Variants in RC3H1 observed in about 807,000 individuals in gnomAD.
The protein encoded by RC3H1 is ring finger and CCCH-type domains 1.
A neutral mutation model predicts 138.2 loss-of-function variants in RC3H1; 50 were observed. The observed-to-expected ratio is 0.36, with a 90% CI of 0.29 to 0.46. The LOEUF is 0.46. RC3H1 is among the 20% of genes least tolerant of loss of function. RC3H1 has a pLI of 1.00. For synonymous variants in RC3H1, 462 were observed against 489.1 expected, an observed-to-expected ratio of 0.94 and a Z score of 0.73; for missense variants, 1,031 against 1,388.1, an observed-to-expected ratio of 0.74 and a Z score of 4.09.
intron 18 of RC3H1, among the ~76,000 whole-genome samples, chr1:173,942,428 CAAAAAAAAAAAAAAA>C (rs60694243): frequency 2.6e-5 from 1 of 38,086 alleles, no homozygotes; most frequent in Non-Finnish European, 4.7e-5. Flanking sequence ...GACTCAGTCT[CAAAAAAAAAAAAAAA>C]AAAAAAAGAA....
chr1:173,972,573 G>C lies in RC3H1; in HGVS notation c.1157C>G (p.Thr386Arg). 1 of 1,614,010 alleles carries C rather than the reference G, an allele frequency of 6.2e-7. No individual in the cohort carries two copies. The highest frequency in any genetic ancestry group is 1.1e-5 in the South Asian group (1 of 91,072). ...ATAATCAACCAGCCCATGTACCACT[G>C]TACGCACAGCAACCAGCCCATTTTC... ...QLENGLVAVR[T>R]VVHGLVDYIQ... Residue 386 changes from threonine to arginine, a missense_variant, in exon 8 of 20, where the codon ACA becomes AGA. Coordinates refer to ENST00000367696, the MANE Select transcript of RC3H1 (RefSeq NM_172071.4).
chr1:173,995,109 G>C (rs1156344344), intron 1 of RC3H1, among the ~76,000 whole-genome samples: 1 of 152,192 alleles, frequency 6.6e-6, no homozygotes, highest in African/African-American at 2.4e-5. Flanking sequence ...GTACAGGTAA[G>C]TGATATTTAT....
intron 1 of RC3H1, among the ~76,000 whole-genome samples, chr1:174,008,705 G>A (rs1055009875): frequency 6.6e-6 from 1 of 152,104 alleles, no homozygotes; most frequent in Non-Finnish European, 1.5e-5. Flanking sequence ...GGCCAGGTGT[G>A]GTGACTCACA....
At chr1:173,986,950 G>A (rs1255318621) in intron 2 of RC3H1, among the ~76,000 whole-genome samples, 3 of 152,072 alleles carry the variant, frequency 2.0e-5, no homozygotes, top group African/African-American at 7.2e-5. Flanking sequence ...GAGGAGCACT[G>A]GTCTGGTATG....
At position 173,949,046 on chromosome 1, in the gene RC3H1, C is replaced by A. The variant is rs1268567236; in HGVS notation, c.2524-1464G>T. ...CGTTCCAATAAGAGCCTTACTACAG[C>A]CTAAAAACAATGCTTCTGTAATTCT... is the stretch of plus-strand genomic sequence containing the variant. On this transcript the variant is annotated intron_variant, in intron 14 of 19. Transcript: ENST00000367696. 4.1e-5 allele frequency among the ~76,000 whole-genome samples: 6 copies of A among 145,460 alleles called. No homozygotes were observed. In the Admixed American group the frequency reaches 4.5e-4, roughly 11 times the overall value.
At chr1:173,939,886 C>A (rs1435420927) in intron 19 of RC3H1, among the ~76,000 whole-genome samples, 2 of 151,794 alleles carry the variant, frequency 1.3e-5, no homozygotes, top group Non-Finnish European at 2.9e-5. Flanking sequence ...AAAAAACAGT[C>A]AAAATCCAAG....
chr1:173,942,629 G>A (rs565926327), intron 18 of RC3H1, among the ~76,000 whole-genome samples: 122 of 151,654 alleles, frequency 8.0e-4, no homozygotes, highest in Admixed American at 1.7e-3. Flanking sequence ...TCAGGAGATC[G>A]AGACCATCCT....
chr1:174,017,810 A>AAAAAAAAAAAAAAAC (rs1661889930), intron 1 of RC3H1, among the ~76,000 whole-genome samples: 1 of 146,126 alleles, frequency 6.8e-6, no homozygotes, highest in African/African-American at 2.5e-5. Flanking sequence ...AAAAAAAAAA[A>AAAAAAAAAAAAAAAC]CTGCTACCAT....
chr1:173,937,124 A>T lies in RC3H1; in HGVS notation c.*1597T>A, dbSNP rs1658637678. The T allele has an allele frequency of 6.6e-6, 1 of 152,402 alleles. No homozygotes were observed. The highest frequency in any genetic ancestry group is 2.1e-4 in the South Asian group (1 of 4,816). 9.4% of individuals were successfully genotyped at this position (152,402 alleles called of 1,614,324 possible). ...GGCAAATTAAATAATTGCTACTCAA[A>T]AGAGTGTTCTGTTTGGACTCTCCTA... On this transcript the variant is annotated 3_prime_UTR_variant, in exon 20 of 20. Coordinates refer to ENST00000367696, the MANE Select transcript of RC3H1 (RefSeq NM_172071.4).
rs141807625 is a variant in RC3H1, at chr1:173,967,336, A to G, written c.1335-2216T>C. The stretch of plus-strand genomic sequence containing the variant: ...CCCTGTCTCAAAAAAAAAGTAACAG[A>G]TAATTATGAACATGTACTTGCACCC... On this transcript the variant is annotated intron_variant, in intron 9 of 19. Coordinates refer to ENST00000367696, the MANE Select transcript of RC3H1 (RefSeq NM_172071.4). 1.7e-3 allele frequency among the ~76,000 whole-genome samples: 255 copies of G among 152,318 alleles called. 1 individual carries two copies. Among genetic ancestry groups the G allele is most frequent in the African/African-American group, 5.9e-3 (247 of 41,578 alleles).
In RC3H1 at chr1:173,937,531, AAC is replaced by A. The variant is rs1038947292; in HGVS notation, c.*1188_*1189del. On this transcript the variant is annotated 3_prime_UTR_variant, in exon 20 of 20. Coordinates refer to ENST00000367696, the MANE Select transcript of RC3H1 (RefSeq NM_172071.4). ...GTGCAGCAGAATTAAAAAAAAAAAA[AAC>A]CTTACTCTTTTCAATATTTTCATGA... 1.3e-5 allele frequency: 2 copies of A among 152,426 alleles called. No homozygotes were observed. Among genetic ancestry groups the A allele is most frequent in the African/African-American group, 4.8e-5 (2 of 41,428 alleles). 9.4% of individuals were successfully genotyped at this position (152,426 alleles called of 1,614,324 possible). A position where few individuals can be genotyped will look rare whatever the true frequency, so the allele number is the denominator to read the frequency against.
intron 1 of RC3H1, among the ~76,000 whole-genome samples, chr1:173,995,786 T>C (rs1185160891): frequency 6.6e-6 from 1 of 152,194 alleles, no homozygotes; most frequent in Non-Finnish European, 1.5e-5. Flanking sequence ...TTCTCACTCT[T>C]GGGCCCTAAA....
At chr1:173,990,419 T>C (rs951554883) in intron 2 of RC3H1, among the ~76,000 whole-genome samples, 6 of 151,892 alleles carry the variant, frequency 4.0e-5, no homozygotes, top group Non-Finnish European at 1.5e-5. Flanking sequence ...CTTAATTTTT[T>C]TTATGCTCTT....
intron 7 of RC3H1, among the ~76,000 whole-genome samples, chr1:173,975,983 G>C (rs1485982153): frequency 6.9e-6 from 1 of 143,958 alleles, no homozygotes; most frequent in Non-Finnish European, 1.5e-5. Context: ...CTATGGGATA[G>C]ATAAGATTAT....
intron 13 of RC3H1, among the ~76,000 whole-genome samples, chr1:173,955,600 T>G (rs928828525): frequency 6.6e-6 from 1 of 151,892 alleles, no homozygotes; most frequent in Admixed American, 6.6e-5. Context: ...ATTACAGGTG[T>G]GAGCCACCGC....
chr1:174,002,919 A>T lies in RC3H1; in HGVS notation c.-150-9784T>A, dbSNP rs982482416. 2.6e-5 allele frequency among the ~76,000 whole-genome samples: 4 copies of T among 152,190 alleles called. No homozygotes were observed. The Middle Eastern group carries it at 0.01, about 388-fold the overall frequency. ...AATTTCATCTGTTTTTATGTTTTCA[A>T]CTACCAACTAGATCCTGCTGACTTC... On this transcript the variant is annotated intron_variant, in intron 1 of 19. Coordinates refer to ENST00000367696, the MANE Select transcript of RC3H1 (RefSeq NM_172071.4).
At chr1:173,999,401 GAGAA>G (rs1013177806) in intron 1 of RC3H1, among the ~76,000 whole-genome samples, 3 of 149,570 alleles carry the variant, frequency 2.0e-5, no homozygotes, top group Non-Finnish European at 4.4e-5. Context: ...AAGAGAGAGA[GAGAA>G]AGAAAGATAT....
chr1:173,961,449 A>G (rs1241415448), intron 12 of RC3H1, among the ~76,000 whole-genome samples: 1 of 152,130 alleles, frequency 6.6e-6, no homozygotes, highest in African/African-American at 2.4e-5. Flanking sequence ...GGTTTCTTTT[A>G]TTTGGTCATA....
intron 6 of RC3H1, among the ~76,000 whole-genome samples, chr1:173,979,833 AG>A (rs2103000641): frequency 6.6e-6 from 1 of 152,316 alleles, no homozygotes; most frequent in South Asian, 2.1e-4. Context: ...AAAGGTATCC[AG>A]GGAAGACTTA....
Sources: gnomAD v4.1 joint callset for allele counts (sites outside exome capture counted in the v4.1 genomes callset) on GRCh38, gnomAD v4.1.1 for gene constraint, MANE v1.5 for transcripts, NCBI Gene and HGNC (gene_info 2026-07-23, HGNC 2026-07-21) for gene names.